Variants in NEK4 observed in about 807,000 individuals in gnomAD.
NEK4 encodes NIMA related kinase 4, also known as serine/threonine-protein kinase Nek4.
Under a neutral mutation model 98.4 loss-of-function variants are expected in NEK4, and 86 were observed. That is an observed-to-expected ratio of 0.87 (90% CI 0.73 to 1.05). The LOEUF is 1.05. Among genes scored for constraint, NEK4 ranks in the 50% least tolerant of loss-of-function variants. The probability of loss-of-function intolerance (pLI) is 0.00; values close to 1 mark genes in which losing one functional copy is unlikely to be tolerated. For missense variants in NEK4, 898 were observed against 950.3 expected, an observed-to-expected ratio of 0.94 and a Z score of 0.72; for synonymous variants, 328 against 342.2, an observed-to-expected ratio of 0.96 and a Z score of 0.46.
At chr3:52,747,733 C>A (rs1249633330) in intron 8 of NEK4, among the ~76,000 whole-genome samples, 2 of 151,504 alleles carry the variant, frequency 1.3e-5, no homozygotes, top group Non-Finnish European at 1.5e-5. Flanking sequence ...CCACTGGAGG[C>A]CACGAGTTCA....
chr3:52,740,085 C>G (rs1211912861), intron 13 of NEK4, among the ~76,000 whole-genome samples: 2 of 152,126 alleles, frequency 1.3e-5, no homozygotes, highest in Non-Finnish European at 2.9e-5. Context: ...AAGTACAAAG[C>G]TCAAGAATAT....
chr3:52,770,711 CA>C lies in NEK4; in HGVS notation c.35del (p.Val12GlyfsTer9). 1 of 1,577,886 alleles carries C rather than the reference CA, an allele frequency of 6.3e-7. No individual in the cohort carries two copies. The highest frequency in any genetic ancestry group is 8.6e-7 in the Non-Finnish European group (1 of 1,162,928). On this transcript the variant is annotated frameshift_variant, in exon 1 of 16. Coordinates refer to ENST00000233027, the MANE Select transcript of NEK4 (RefSeq NM_003157.6). LOFTEE classifies it high-confidence loss of function. ...TCACCTCTCCATAGCTCCCCTTGCC[CA>C]CGACCCGCAGGTAGCAGTAGGCGGC... ...PLAAYCYLRVVGKGSYGEVTL... is the reference protein window; with the variant it reads ...PLAAYCYLRVXGKGSYGEVTL...
intron 1 of NEK4, among the ~76,000 whole-genome samples, chr3:52,768,861 T>C (rs747918626): frequency 4.6e-5 from 7 of 152,182 alleles, no homozygotes; most frequent in Non-Finnish European, 1.0e-4. Flanking sequence ...ATTTCATTAA[T>C]GACTAAAAAA....
At chr3:52,761,182 T>G (rs1698341435) in intron 5 of NEK4, among the ~76,000 whole-genome samples, 1 of 152,170 alleles carries the variant, frequency 6.6e-6, no homozygotes, top group African/African-American at 2.4e-5. Flanking sequence ...ATGTACTATA[T>G]CCTGGATTGG....
intron 15 of NEK4, among the ~76,000 whole-genome samples, chr3:52,737,262 TAA>T (rs34831384): frequency 4.9e-5 from 7 of 141,552 alleles, no homozygotes; most frequent in Non-Finnish European, 9.3e-5. Flanking sequence ...AAATTTTCCT[TAA>T]AAAAAAAAAA....
At chr3:52,755,222 C>T (rs2097413120) in intron 6 of NEK4, among the ~76,000 whole-genome samples, 1 of 149,470 alleles carries the variant, frequency 6.7e-6, no homozygotes, top group Non-Finnish European at 1.5e-5. Context: ...AATCCATAGA[C>T]AAAAAGTAGA....
intron 5 of NEK4, among the ~76,000 whole-genome samples, chr3:52,761,771 C>T (rs927739535): frequency 3.3e-5 from 5 of 152,104 alleles, no homozygotes; most frequent in African/African-American, 4.8e-5. Flanking sequence ...GCCTCACATA[C>T]GGGAGTATCA....
intron 12 of NEK4, among the ~76,000 whole-genome samples, chr3:52,742,937 G>A (rs1335393454): frequency 1.3e-5 from 2 of 152,064 alleles, no homozygotes; most frequent in Non-Finnish European, 2.9e-5. Context: ...CTACAGGTGT[G>A]CGCCACCTTG....
In NEK4 at chr3:52,742,320, C is replaced by T. The variant is rs2154103976; in HGVS notation, c.2005-821G>A. Among the ~76,000 whole-genome samples the T allele has an allele frequency of 1.3e-5, 2 of 151,984 alleles. 1 individual carries two copies. The highest frequency in any genetic ancestry group is 4.2e-4 in the South Asian group (2 of 4,806). ...TCCTGGGCTCAAGCAATCCTCCTTCCTTGGCCTCCCAAGTAGCTGAGATAA... is the reference window on the plus strand; with the variant it reads ...TCCTGGGCTCAAGCAATCCTCCTTCTTTGGCCTCCCAAGTAGCTGAGATAA... On this transcript the variant is annotated intron_variant, in intron 12 of 15. Coordinates refer to ENST00000233027, the MANE Select transcript of NEK4 (RefSeq NM_003157.6).
intron 15 of NEK4, among the ~76,000 whole-genome samples, chr3:52,721,947 C>T (rs1240700344): frequency 6.6e-6 from 1 of 152,180 alleles, no homozygotes; most frequent in Non-Finnish European, 1.5e-5. Flanking sequence ...CCAAATCAGT[C>T]CGAAGGCTGA....
At chr3:52,735,052 A>C (rs2097374083) in intron 15 of NEK4, 1 of 169,646 alleles carries the variant, frequency 5.9e-6, no homozygotes, top group East Asian at 1.8e-4. Flanking sequence ...ACATGTAACG[A>C]GTAAGATGAG....
chr3:52,753,556 T>A, intron 6 of NEK4: 1 of 535,666 alleles, frequency 1.9e-6, no homozygotes, highest in South Asian at 1.4e-5. Context: ...GTCTACAAGC[T>A]CTACATGGAA....
At position 52,750,489 on chromosome 3, in the gene NEK4, G is replaced by C. The variant is rs2097403221; in HGVS notation, c.1369-660C>G. 2.0e-5 allele frequency among the ~76,000 whole-genome samples: 3 copies of C among 152,188 alleles called. No homozygotes were observed. In the South Asian group the frequency reaches 6.2e-4, roughly 31 times the overall value. On this transcript the variant is annotated intron_variant, in intron 7 of 15. Transcript: ENST00000233027. Reference sequence around the variant, plus strand: ...TTGAACCCAGGAGGCAGAGGTTATAGTGAGCTGAGATCGTGCCACTGTACT... The same window carrying C: ...TTGAACCCAGGAGGCAGAGGTTATACTGAGCTGAGATCGTGCCACTGTACT...
intron 15 of NEK4, among the ~76,000 whole-genome samples, chr3:52,714,493 C>A (rs1251124127): frequency 1.3e-5 from 2 of 152,324 alleles, no homozygotes; most frequent in East Asian, 3.9e-4. Flanking sequence ...CCCACCTTCG[C>A]ATGGTCGGGA....
chr3:52,742,979 C>T (rs1561307456), intron 12 of NEK4, among the ~76,000 whole-genome samples: 1 of 151,866 alleles, frequency 6.6e-6, no homozygotes, highest in African/African-American at 2.4e-5. Context: ...GAGACAGGGT[C>T]CAACTATATT....
At chr3:52,769,245 G>T (rs1399230040) in intron 1 of NEK4, among the ~76,000 whole-genome samples, 3 of 151,972 alleles carry the variant, frequency 2.0e-5, no homozygotes, top group Non-Finnish European at 2.9e-5. Context: ...AATAAAAAAA[G>T]AAATTCCTTA....
intron 7 of NEK4, among the ~76,000 whole-genome samples, chr3:52,750,865 A>C (rs1410138392): frequency 6.6e-6 from 1 of 152,162 alleles, no homozygotes; most frequent in African/African-American, 2.4e-5. Flanking sequence ...CAGGAAGTCA[A>C]GGCTGCAGTG....
intron 5 of NEK4, 115 bp from the exon 6 acceptor site, chr3:52,761,051 T>C (rs894927640): frequency 3.0e-6 from 2 of 657,054 alleles, no homozygotes; most frequent in South Asian, 2.4e-5. Flanking sequence ...GCACCATTTA[T>C]AGAGAATAGT....
chr3:52,725,531 CAAA>C (rs71615867), intron 15 of NEK4, among the ~76,000 whole-genome samples: 51 of 144,656 alleles, frequency 3.5e-4, no homozygotes, highest in African/African-American at 1.3e-3. Context: ...CAAAACAAAA[CAAA>C]AAAAAAACAT....
Sources: gnomAD v4.1 joint callset for allele counts (sites outside exome capture counted in the v4.1 genomes callset) on GRCh38, gnomAD v4.1.1 for gene constraint, MANE v1.5 for transcripts, NCBI Gene and HGNC (gene_info 2026-07-23, HGNC 2026-07-21) for gene names.